CDH13: variants seen among roughly 807,000 people sequenced by gnomAD.
CDH13 encodes the protein cadherin-13.
A neutral mutation model predicts 63.8 loss-of-function variants in CDH13; 24 were observed. That is an observed-to-expected ratio of 0.38 (90% CI 0.27 to 0.53). The LOEUF is 0.53. Among genes scored for constraint, CDH13 ranks in the 20% least tolerant of loss-of-function variants. The pLI is 0.85. For missense variants in CDH13, 1,049 were observed against 903.1 expected (o/e 1.16, Z -2.07); for synonymous variants, 503 against 355.3 (o/e 1.42, Z -4.67).
intron 5 of CDH13, among the ~76,000 whole-genome samples, chr16:83,248,898 C>T (rs763512436): frequency 6.6e-6 from 1 of 152,192 alleles, no homozygotes; most frequent in Non-Finnish European, 1.5e-5. Flanking sequence ...ATGTGATCTT[C>T]CCCTTGGTGC....
intron 1 of CDH13, among the ~76,000 whole-genome samples, chr16:82,842,593 A>C (rs61015054): frequency 1.3e-5 from 2 of 152,052 alleles, no homozygotes; most frequent in East Asian, 1.9e-4. Context: ...GAAGTCCCCA[A>C]CTTTTTGGCA....
intron 8 of CDH13, among the ~76,000 whole-genome samples, chr16:83,626,530 G>A (rs1392104178): frequency 3.3e-5 from 5 of 152,168 alleles, no homozygotes; most frequent in African/African-American, 1.2e-4. Flanking sequence ...TCACAAATGT[G>A]TGGTTTCCAA....
chr16:83,688,101 C>T (rs1598481490), intron 10 of CDH13, among the ~76,000 whole-genome samples: 1 of 152,192 alleles, frequency 6.6e-6, no homozygotes, highest in African/African-American at 2.4e-5. Flanking sequence ...GCCCAATTTC[C>T]ATTTTTACTG....
At chr16:82,800,756 G>T (rs2036811845) in intron 1 of CDH13, among the ~76,000 whole-genome samples, 1 of 152,160 alleles carries the variant, frequency 6.6e-6, no homozygotes, top group Non-Finnish European at 1.5e-5. Flanking sequence ...AAGCTCAAAG[G>T]AATAGTGATC....
In CDH13 at chr16:82,872,550, T is replaced by G. The variant is rs187645410; in HGVS notation, c.157+14077T>G. ...AGATTAAGCATAGCTTTAAATAGGC[T>G]GAGAAAGCAGAAGTTCTTATTATTC... On this transcript the variant is annotated intron_variant, in intron 2 of 13. Transcript: ENST00000567109. Among the ~76,000 whole-genome samples the G allele has an allele frequency of 4.0e-3, 603 of 152,322 alleles. 4 individuals carry two copies. The highest frequency in any genetic ancestry group is 0.014 in the African/African-American group (576 of 41,584).
intron 1 of CDH13, among the ~76,000 whole-genome samples, chr16:82,710,089 A>G (rs2031794014): frequency 2.0e-5 from 3 of 149,452 alleles, no homozygotes; most frequent in African/African-American, 7.3e-5. Context: ...CACAATACTT[A>G]TATGTAAATA....
intron 1 of CDH13, among the ~76,000 whole-genome samples, chr16:82,713,588 A>G (rs1258066500): frequency 2.6e-5 from 4 of 152,166 alleles, no homozygotes; most frequent in African/African-American, 7.2e-5. Flanking sequence ...AGATAAAAAG[A>G]TGATTGCATT....
At chr16:83,443,704 C>T (rs1196483905) in intron 6 of CDH13, among the ~76,000 whole-genome samples, 3 of 19,506 alleles carry the variant, frequency 1.5e-4, no homozygotes, top group East Asian at 1.5e-3. Context: ...GAAGTCCCTA[C>T]GAAAAAAAAA....
chr16:83,408,851 A>G (rs2092085887), intron 6 of CDH13, among the ~76,000 whole-genome samples: 1 of 152,220 alleles, frequency 6.6e-6, no homozygotes. Context: ...GTCATGCACC[A>G]GGAAGCATGC....
intron 1 of CDH13, among the ~76,000 whole-genome samples, chr16:82,751,725 T>C (rs62034518): frequency 6.6e-6 from 1 of 151,092 alleles, no homozygotes; most frequent in East Asian, 1.9e-4. Context: ...AAAAAAGTTT[T>C]GTCTGCTTTT....
In CDH13 at chr16:83,670,991, G is replaced by A. The variant is rs1033896292; in HGVS notation, c.1284+19G>A. ...TGTCAAAGTAAGGGTGCTTCCAATT[G>A]CCTCTTTCTCCTCATGCGAGCACGG... is the stretch of plus-strand genomic sequence containing the variant. On this transcript the variant is annotated intron_variant, in intron 9 of 13. Transcript: ENST00000567109. The A allele has an allele frequency of 6.4e-7, 1 of 1,564,530 alleles. No homozygotes were observed. The highest frequency in any genetic ancestry group is 1.8e-5 in the Admixed American group (1 of 55,272).
intron 9 of CDH13, among the ~76,000 whole-genome samples, chr16:83,672,044 T>C (rs8046499): frequency 6.6e-6 from 1 of 152,154 alleles, no homozygotes. Context: ...CAGGGATCAA[T>C]TGTATTTATA....
chr16:83,322,374 A>G (rs1173782300), intron 5 of CDH13, among the ~76,000 whole-genome samples: 1 of 152,150 alleles, frequency 6.6e-6, no homozygotes, highest in East Asian at 1.9e-4. Context: ...GCTTTAGGGG[A>G]TATTACTGTG....
intron 1 of CDH13, among the ~76,000 whole-genome samples, chr16:82,768,793 A>G (rs1434790671): frequency 1.3e-5 from 2 of 152,180 alleles, no homozygotes; most frequent in African/African-American, 4.8e-5. Context: ...AACCCAGCAG[A>G]CCATCCTCGG....
chr16:83,395,926 T>A lies in CDH13; in HGVS notation c.781+50920T>A, dbSNP rs1434941660. On this transcript the variant is annotated intron_variant, in intron 6 of 13. Transcript: ENST00000567109. The stretch of plus-strand genomic sequence containing the variant: ...ACACATTAAGCCTAATATTCAGTAG[T>A]TATTTTTCCTGATCCTCTCCCTCCT... 2.0e-5 allele frequency among the ~76,000 whole-genome samples: 3 copies of A among 152,194 alleles called. No individual in the cohort carries two copies. In the East Asian group the frequency reaches 5.8e-4, roughly 29 times the overall value.
intron 1 of CDH13, among the ~76,000 whole-genome samples, chr16:82,798,391 C>T (rs886105649): frequency 1.3e-5 from 2 of 152,106 alleles, no homozygotes; most frequent in Non-Finnish European, 2.9e-5. Flanking sequence ...TTTCTTTTTT[C>T]CCCTAGACTG....
chr16:83,325,671 A>G (rs2090344144), intron 5 of CDH13, among the ~76,000 whole-genome samples: 2 of 152,148 alleles, frequency 1.3e-5, no homozygotes, highest in African/African-American at 4.8e-5. Context: ...GTATTTTGAT[A>G]CTTGATACCT....
At chr16:82,961,590 A>AAAAAAAAC (rs1907011436) in intron 2 of CDH13, among the ~76,000 whole-genome samples, 2 of 150,740 alleles carry the variant, frequency 1.3e-5, no homozygotes, top group African/African-American at 4.9e-5. Flanking sequence ...AAAAAAAAAA[A>AAAAAAAAC]AAAAAACTAC....
chr16:82,785,360 T>C (rs1015489534), intron 1 of CDH13, among the ~76,000 whole-genome samples: 1 of 152,334 alleles, frequency 6.6e-6, no homozygotes. Flanking sequence ...TATGGCCTTC[T>C]TGACTTCAGG....
Sources: gnomAD v4.1 joint callset for allele counts (sites outside exome capture counted in the v4.1 genomes callset) on GRCh38, gnomAD v4.1.1 for gene constraint, MANE v1.5 for transcripts, NCBI Gene and HGNC (gene_info 2026-07-23, HGNC 2026-07-21) for gene names.